AOAH: variants seen among roughly 807,000 people sequenced by gnomAD.
The protein encoded by AOAH is acyloxyacyl hydrolase (neutrophil).
A neutral mutation model predicts 92.2 loss-of-function variants in AOAH; 64 were observed. The ratio of observed to expected loss-of-function variants is 0.69; its 90% confidence interval spans 0.57 to 0.86. The LOEUF is 0.86. Among genes scored for constraint, AOAH ranks in the 40% least tolerant of loss-of-function variants. The pLI, the probability that AOAH is intolerant of heterozygous loss-of-function variation, is 0.00. For missense variants in AOAH, 656 were observed against 694.6 expected (o/e 0.94, Z 0.62); for synonymous variants, 263 against 254.5 (o/e 1.03, Z -0.32).
At chr7:36,718,785 GA>G (rs1331643722) in intron 1 of AOAH, among the ~76,000 whole-genome samples, 1 of 152,194 alleles carries the variant, frequency 6.6e-6, no homozygotes, top group Non-Finnish European at 1.5e-5. Context: ...GGGCTATAGA[GA>G]GAAGGAAATG....
At chr7:36,670,776 G>A (rs991962246) in intron 3 of AOAH, among the ~76,000 whole-genome samples, 6 of 152,088 alleles carry the variant, frequency 3.9e-5, no homozygotes, top group South Asian at 2.1e-4. Flanking sequence ...CGCCCGGCCC[G>A]CTGGTCCCAT....
chr7:36,583,966 T>C (rs374754425), intron 12 of AOAH, among the ~76,000 whole-genome samples: 3 of 152,242 alleles, frequency 2.0e-5, no homozygotes, highest in South Asian at 4.1e-4. Flanking sequence ...CAGATGGTTT[T>C]AATGACCTAA....
rs1562544577 is a variant in AOAH, at chr7:36,536,085, TCCCTGGCAGGA to T, written c.1307-3752_1307-3742del. 2.4e-4 allele frequency among the ~76,000 whole-genome samples: 36 copies of T among 152,282 alleles called. No individual in the cohort carries two copies. The East Asian group carries it at 6.6e-3, about 28-fold the overall frequency. ...CGAGGAGAGATTCGTCACCCCCTTGTCCCTGGCAGGAGTGAGACACCCACCTGCTCTTGTTC... is the reference window on the plus strand; with the variant it reads ...CGAGGAGAGATTCGTCACCCCCTTGTGTGAGACACCCACCTGCTCTTGTTC... On this transcript the variant is annotated intron_variant, in intron 16 of 20. Coordinates refer to ENST00000617537, the MANE Select transcript of AOAH (RefSeq NM_001637.4).
At chr7:36,545,516 T>A (rs544404786) in intron 15 of AOAH, among the ~76,000 whole-genome samples, 172 of 152,288 alleles carry the variant, frequency 1.1e-3, no homozygotes, top group African/African-American at 4.0e-3. Flanking sequence ...CTTAATTCAG[T>A]GCTGGTCAAC....
intron 3 of AOAH, among the ~76,000 whole-genome samples, chr7:36,659,546 A>G (rs1429360260): frequency 1.3e-5 from 2 of 152,202 alleles, no homozygotes; most frequent in East Asian, 3.9e-4. Context: ...GATTCTTTTC[A>G]GGCAAAGCCA....
chr7:36,654,409 AGATAGTG>A (rs1157947066), intron 4 of AOAH, among the ~76,000 whole-genome samples: 5 of 152,150 alleles, frequency 3.3e-5, no homozygotes, highest in Non-Finnish European at 5.9e-5. Context: ...AGCACACAGT[AGATAGTG>A]GTAGGGAGAC....
chr7:36,712,211 T>C (rs1289237828), intron 1 of AOAH, among the ~76,000 whole-genome samples: 1 of 152,236 alleles, frequency 6.6e-6, no homozygotes, highest in African/African-American at 2.4e-5. Context: ...CTTGAAATTA[T>C]GTGGCCACCT....
chr7:36,592,082 G>T (rs1021046499), intron 12 of AOAH, among the ~76,000 whole-genome samples: 3 of 152,158 alleles, frequency 2.0e-5, no homozygotes, highest in African/African-American at 7.2e-5. Flanking sequence ...TTCATTAAAG[G>T]TACAGTAAAC....
chr7:36,612,736 TG>T (rs1168380577), intron 11 of AOAH, among the ~76,000 whole-genome samples: 2 of 152,250 alleles, frequency 1.3e-5, no homozygotes, highest in East Asian at 3.8e-4. Context: ...TTGCTAAAAC[TG>T]GGTCTTTATC....
At chr7:36,584,145 G>A (rs191112339) in intron 12 of AOAH, among the ~76,000 whole-genome samples, 9 of 152,274 alleles carry the variant, frequency 5.9e-5, no homozygotes, top group Admixed American at 4.6e-4. Flanking sequence ...TTTTCGCATA[G>A]TGAAGGCTAT....
intron 2 of AOAH, among the ~76,000 whole-genome samples, chr7:36,682,886 T>C (rs1796735480): frequency 6.6e-6 from 1 of 151,924 alleles, no homozygotes; most frequent in South Asian, 2.1e-4. Context: ...ATGTGGATAA[T>C]AGAAATCCCA....
At chr7:36,636,577 C>T (rs1234841963) in intron 5 of AOAH, among the ~76,000 whole-genome samples, 4 of 152,188 alleles carry the variant, frequency 2.6e-5, no homozygotes, top group Non-Finnish European at 5.9e-5. Context: ...ATTAGCTCAA[C>T]GGGCTACTGT....
intron 1 of AOAH, among the ~76,000 whole-genome samples, chr7:36,690,430 T>G (rs759642441): frequency 1.8e-4 from 27 of 152,178 alleles, no homozygotes; most frequent in Non-Finnish European, 3.1e-4. Context: ...CCCTTCCAGT[T>G]GAATTGTTAA....
chr7:36,677,614 A>G (rs1028461938), intron 2 of AOAH, among the ~76,000 whole-genome samples: 7 of 152,298 alleles, frequency 4.6e-5, no homozygotes, highest in Middle Eastern at 3.4e-3. Flanking sequence ...TCCAGTTTAT[A>G]TATATATATA....
intron 1 of AOAH, among the ~76,000 whole-genome samples, chr7:36,706,592 C>A (rs1445609201): frequency 6.6e-6 from 1 of 152,152 alleles, no homozygotes; most frequent in African/African-American, 2.4e-5. Context: ...TGGGTATTGA[C>A]TTCTCCTCTC....
intron 4 of AOAH, among the ~76,000 whole-genome samples, chr7:36,656,506 A>C (rs1794901928): frequency 6.6e-6 from 1 of 151,862 alleles, no homozygotes. Context: ...AGAGAGAGAG[A>C]CCCAAGTTTA....
intron 13 of AOAH, among the ~76,000 whole-genome samples, chr7:36,568,771 C>T (rs1787889577): frequency 6.6e-6 from 1 of 152,206 alleles, no homozygotes; most frequent in Non-Finnish European, 1.5e-5. Flanking sequence ...CCTTAGCCTT[C>T]CTGACCTGAA....
chr7:36,717,730 T>TTTA (rs1554327721), intron 1 of AOAH, among the ~76,000 whole-genome samples: 3 of 149,182 alleles, frequency 2.0e-5, no homozygotes, highest in Non-Finnish European at 3.0e-5. Context: ...TCTTCTTATT[T>TTTA]TTTTTTTTTT....
intron 13 of AOAH, among the ~76,000 whole-genome samples, chr7:36,560,192 T>C (rs948138476): frequency 6.6e-6 from 1 of 152,242 alleles, no homozygotes; most frequent in Admixed American, 6.5e-5. Context: ...TTCTTTTTGC[T>C]TAGGATTGCT....
Sources: gnomAD v4.1 joint callset for allele counts (sites outside exome capture counted in the v4.1 genomes callset) on GRCh38, gnomAD v4.1.1 for gene constraint, MANE v1.5 for transcripts, NCBI Gene and HGNC (gene_info 2026-07-23, HGNC 2026-07-21) for gene names.